Variants in PAXBP1 observed in about 807,000 individuals in gnomAD.
PAXBP1 encodes the protein PAX3 and PAX7 binding protein 1, also known as PAX3- and PAX7-binding protein 1.
A neutral mutation model predicts 119.9 loss-of-function variants in PAXBP1; 44 were observed. The observed-to-expected ratio is 0.37, with a 90% confidence interval of 0.29 to 0.47. The LOEUF (loss-of-function observed/expected upper bound fraction) is 0.47. Among genes scored for constraint, PAXBP1 ranks in the 20% least tolerant of loss-of-function variants. The pLI, the probability that PAXBP1 is intolerant of heterozygous loss-of-function variation, is 0.99. For synonymous variants in PAXBP1, 393 were observed against 406.6 expected (o/e 0.97, Z 0.40); for missense variants, 898 against 1,134.1 (o/e 0.79, Z 2.99).
chr21:32,771,272 G>C lies in PAXBP1; in HGVS notation c.343+54C>G, dbSNP rs1180813581. 6.8e-6 allele frequency: 10 copies of C among 1,475,538 alleles called. No homozygotes were observed. In the African/African-American group the frequency reaches 7.2e-5, roughly 11 times the overall value. 91.4% of individuals were successfully genotyped at this position (1,475,538 alleles called of 1,614,324 possible). ...CCAGAGAATACGGGGGCGGGGGACG[G>C]GGGCCTGCGTCGGGGATGCGGCCGT... On this transcript the variant is annotated intron_variant, in intron 1 of 17. Transcript: ENST00000331923.
intron 8 of PAXBP1, 116 bp downstream of exon 8, chr21:32,755,114 G>A (rs1365565767): frequency 6.0e-6 from 7 of 1,169,076 alleles, no homozygotes. Context: ...CAACAGCAAG[G>A]AAATTGTTTC....
intron 1 of PAXBP1, among the ~76,000 whole-genome samples, chr21:32,770,313 G>C (rs887791478): frequency 1.3e-5 from 2 of 152,148 alleles, no homozygotes; most frequent in African/African-American, 2.4e-5. Flanking sequence ...AAAAGGTGCT[G>C]TCAATTCTGA....
chr21:32,741,396 C>G, intron 15 of PAXBP1: 1 of 498,638 alleles, frequency 2.0e-6, no homozygotes, highest in Non-Finnish European at 3.7e-6. Context: ...AACATGACAG[C>G]CTTCAGAATG....
intron 2 of PAXBP1, 91 bp downstream of exon 2, chr21:32,769,723 C>T (rs982009043): frequency 1.4e-6 from 2 of 1,393,306 alleles, no homozygotes; most frequent in African/African-American, 2.9e-5. Context: ...ACAGGGTCCA[C>T]TGAATGAGTT....
At chr21:32,738,578 T>C (rs1177182508) in intron 15 of PAXBP1, among the ~76,000 whole-genome samples, 2 of 152,134 alleles carry the variant, frequency 1.3e-5, no homozygotes, top group Admixed American at 1.3e-4. Context: ...ACATTTTCCA[T>C]CATTGCAGAC....
intron 6 of PAXBP1, 167 bp from the exon 7 acceptor site, chr21:32,759,436 G>T: frequency 1.3e-6 from 1 of 776,314 alleles, no homozygotes; most frequent in Non-Finnish European, 2.0e-6. Context: ...AACAAAAAAT[G>T]GCAGTTTACA....
At chr21:32,760,073 T>C (rs1320679716) in intron 5 of PAXBP1, 79 bp from the exon 6 acceptor site, 2 of 1,163,010 alleles carry the variant, frequency 1.7e-6, no homozygotes, top group African/African-American at 3.1e-5. Context: ...GGTTAAAAAA[T>C]CAACAGCAAA....
Position 32,759,156 on chromosome 21 carries a change from C to T in PAXBP1, c.1307G>A (p.Gly436Asp). ...AIERLEGSSG[G>D]IGERYKFLQE... ...CAAAAATTTATACCGTTCACCAATA[C>T]CCCCAGAAGACCCTTCTAATCTTTC... Residue 436 changes from glycine to aspartate, a missense_variant, in exon 7 of 18, where the codon GGT (glycine) becomes GAT (aspartate). Physicochemically the swap from Gly to Asp is moderately conservative, Grantham distance 94 (BLOSUM62 -1). Around this residue, in one of 2 missense-constraint regions of PAXBP1, gnomAD observed 599 missense variants for 852.7 expected, o/e 0.70. Transcript: ENST00000331923. 1 of 1,614,048 alleles carries T rather than the reference C, an allele frequency of 6.2e-7. No homozygotes were observed. The highest frequency in any genetic ancestry group is 8.5e-7 in the Non-Finnish European group (1 of 1,179,946).
At chr21:32,736,377 C>T (rs2043693075) in intron 17 of PAXBP1, among the ~76,000 whole-genome samples, 1 of 151,950 alleles carries the variant, frequency 6.6e-6, no homozygotes, top group Non-Finnish European at 1.5e-5. Context: ...TTAGTAGAAA[C>T]AGGGTTTCAC....
chr21:32,760,495 ACT>A (rs1198529801), intron 5 of PAXBP1, among the ~76,000 whole-genome samples: 2 of 152,248 alleles, frequency 1.3e-5, no homozygotes, highest in African/African-American at 4.8e-5. Flanking sequence ...AATTGTTATA[ACT>A]GGGAAGATAT....
At chr21:32,738,146 A>G in intron 16 of PAXBP1, 27 bp downstream of exon 16, 1 of 1,507,968 alleles carries the variant, frequency 6.6e-7, no homozygotes, top group South Asian at 1.3e-5. Context: ...TATATGCTTT[A>G]AAAACTGTAC....
intron 2 of PAXBP1, among the ~76,000 whole-genome samples, chr21:32,767,607 C>T (rs143577000): frequency 2.6e-5 from 4 of 152,182 alleles, no homozygotes; most frequent in Admixed American, 6.5e-5. Flanking sequence ...TGGTCTTTCC[C>T]GTGCCATTCT....
chr21:32,771,645 C>T lies in PAXBP1; in HGVS notation c.24G>A (p.Val8=). The change falls in exon 1 of 18, where the codon GTG becomes GTA. Residue 8 remains valine (V), a synonymous_variant. Coordinates refer to ENST00000331923, the MANE Select transcript of PAXBP1 (RefSeq NM_016631.4). The part of the protein sequence containing the change: MFRKARR[V]NVRKRNDSEE... ...CGGAGTCGTTCCGCTTGCGCACGTT[C>T]ACCCGCCGGGCCTTTCGGAACATCC... 6.9e-7 allele frequency: 1 copy of T among 1,444,422 alleles called. No homozygotes were observed. The highest frequency in any genetic ancestry group is 9.1e-7 in the Non-Finnish European group (1 of 1,100,940). The allele number at this position is 1,444,422 out of a possible 1,614,324, so 89.5% of individuals were successfully genotyped here.
intron 17 of PAXBP1, among the ~76,000 whole-genome samples, chr21:32,735,505 A>C (rs1024465128): frequency 6.6e-6 from 1 of 152,198 alleles, no homozygotes; most frequent in African/African-American, 2.4e-5. Flanking sequence ...GATCCAGCAT[A>C]ATTTCCACTC....
intron 4 of PAXBP1, 60 bp downstream of exon 4, chr21:32,762,036 C>T: frequency 6.4e-7 from 1 of 1,565,380 alleles, no homozygotes. Context: ...TGACACCCTG[C>T]CTTAAAACAA....
intron 2 of PAXBP1, among the ~76,000 whole-genome samples, chr21:32,765,498 A>G (rs2044226039): frequency 6.6e-6 from 1 of 152,190 alleles, no homozygotes; most frequent in Non-Finnish European, 1.5e-5. Flanking sequence ...GAATATACTG[A>G]AAGAGTAAAG....
chr21:32,744,443 C>T (rs377188369), intron 13 of PAXBP1, among the ~76,000 whole-genome samples: 32 of 151,822 alleles, frequency 2.1e-4, no homozygotes, highest in African/African-American at 7.3e-4. Context: ...TTTCTCATTT[C>T]CCCCCAGAAA....
In PAXBP1 at chr21:32,746,917, G is replaced by A. The variant is rs182210713; in HGVS notation, c.1924-1199C>T. On this transcript the variant is annotated intron_variant, in intron 11 of 17. Coordinates refer to ENST00000331923, the MANE Select transcript of PAXBP1 (RefSeq NM_016631.4). ...ATACTATGCAGCCATAAAAAGGAAC[G>A]AGGTCATGTCCTTTGCAGGGACATG... Among the ~76,000 whole-genome samples the A allele has an allele frequency of 2.4e-3, 366 of 152,250 alleles. 2 individuals are homozygous for A. Among genetic ancestry groups the A allele is most frequent in the African/African-American group, 8.4e-3 (349 of 41,556 alleles).
chr21:32,765,878 C>A (rs1047635320), intron 2 of PAXBP1, among the ~76,000 whole-genome samples: 1 of 102,956 alleles, frequency 9.7e-6, no homozygotes, highest in Non-Finnish European at 2.0e-5. Context: ...TGGTGGCTCA[C>A]GCCTGTAATC....
Sources: allele counts gnomAD v4.1 joint callset (sites outside exome capture counted in the v4.1 genomes callset), GRCh38; gene constraint gnomAD v4.1.1; regional missense constraint gnomAD v4.1.1; transcripts MANE v1.5; gene names NCBI Gene and HGNC (gene_info 2026-07-23, HGNC 2026-07-21).